DPF3: variants seen among roughly 807,000 people sequenced by gnomAD.
The protein encoded by DPF3 is double PHD fingers 3.
A neutral mutation model predicts 56.8 loss-of-function variants in DPF3; 18 were observed. The observed-to-expected ratio is 0.32, with a 90% confidence interval of 0.22 to 0.47. The LOEUF is 0.47. Ranked by LOEUF, DPF3 falls within the 20% of genes least tolerant of loss-of-function variation. DPF3 has a pLI of 1.00. For synonymous variants in DPF3, 188 were observed against 180.2 expected (o/e 1.04, Z -0.35); for missense variants, 403 against 488.8 (o/e 0.82, Z 1.65).
Position 72,718,365 on chromosome 14 carries a change from T to C in DPF3, c.526-3864A>G, listed in dbSNP as rs1166402178. Among the ~76,000 whole-genome samples the C allele has an allele frequency of 2.0e-5, 3 of 152,304 alleles. No homozygotes were observed. In the East Asian group the frequency reaches 5.8e-4, roughly 29 times the overall value. On this transcript the variant is annotated intron_variant, in intron 5 of 10. Coordinates refer to ENST00000556509, the MANE Select transcript of DPF3 (RefSeq NM_001280542.3). ...CTATACCAGTTGTTCTCAAACAGTG[T>C]GGCCCAGGAATCCTGGGGGATCCCT...
At chr14:72,824,414 T>C (rs1457087362) in intron 1 of DPF3, among the ~76,000 whole-genome samples, 1 of 152,166 alleles carries the variant, frequency 6.6e-6, no homozygotes, top group Admixed American at 6.5e-5. Flanking sequence ...CCCCTTCTCC[T>C]CCCTGTTCAT....
Position 72,637,892 on chromosome 14 carries a change from C to T in DPF3, c.872-8156G>A, listed in dbSNP as rs538678728. 6.0e-4 allele frequency among the ~76,000 whole-genome samples: 66 copies of T among 109,178 alleles called. 4 individuals carry two copies. In the South Asian group the frequency reaches 0.019, roughly 31 times the overall value. 71.6% of individuals were successfully genotyped at this position (109,178 alleles called of 152,430 possible). On this transcript the variant is annotated intron_variant, in intron 8 of 10. Transcript: ENST00000556509. The stretch of plus-strand genomic sequence containing the variant: ...CTTTCCCATATTGACCAGCCCAGTC[C>T]GATCCAATGTCGACACAACAAAAGA...
intron 1 of DPF3, among the ~76,000 whole-genome samples, chr14:72,785,981 G>A (rs1392037946): frequency 3.3e-5 from 5 of 152,224 alleles, no homozygotes; most frequent in African/African-American, 1.2e-4. Context: ...CAATAACCAG[G>A]CCAGGTGCAG....
chr14:72,652,406 G>A (rs993172105), intron 8 of DPF3, among the ~76,000 whole-genome samples: 6 of 152,190 alleles, frequency 3.9e-5, no homozygotes, highest in African/African-American at 1.4e-4. Flanking sequence ...CCCAAATGAG[G>A]CTTGCAGCCA....
At chr14:72,746,784 C>G (rs1890340870) in intron 3 of DPF3, among the ~76,000 whole-genome samples, 5 of 152,250 alleles carry the variant, frequency 3.3e-5, no homozygotes, top group Admixed American at 3.3e-4. Context: ...CTGCCTCATG[C>G]TTGGGCAGAG....
intron 1 of DPF3, among the ~76,000 whole-genome samples, chr14:72,804,665 G>A (rs761201633): frequency 6.6e-6 from 1 of 152,128 alleles, no homozygotes; most frequent in Admixed American, 6.5e-5. Context: ...AGAGGAGGTC[G>A]TGAGCACGAG....
intron 1 of DPF3, among the ~76,000 whole-genome samples, chr14:72,877,815 G>A (rs895451209): frequency 2.6e-5 from 4 of 152,122 alleles, no homozygotes; most frequent in Non-Finnish European, 5.9e-5. Flanking sequence ...TGAATGGTCC[G>A]AACCTGTTTC....
At chr14:72,810,692 C>T (rs1432869227) in intron 1 of DPF3, among the ~76,000 whole-genome samples, 3 of 152,184 alleles carry the variant, frequency 2.0e-5, no homozygotes, top group African/African-American at 7.2e-5. Context: ...CAAGCACCCA[C>T]ATCACGTTTC....
Position 72,612,287 on chromosome 14 carries a change from T to A in DPF3, c.*7010A>T, listed in dbSNP as rs189646392. ...CCCATCTGCTTTCCCAAATGCCATG[T>A]GGACCAGACGCATTGGTGAGCCAGG... is the stretch of plus-strand genomic sequence containing the variant. On this transcript the variant is annotated 3_prime_UTR_variant, in exon 11 of 11. Coordinates refer to ENST00000556509, the MANE Select transcript of DPF3 (RefSeq NM_001280542.3). 1.3e-3 allele frequency among the ~76,000 whole-genome samples: 195 copies of A among 152,288 alleles called. 1 individual carries two copies. Among genetic ancestry groups the A allele is most frequent in the Admixed American group, 3.7e-3 (56 of 15,302 alleles).
At chr14:72,681,639 A>G (rs920620800) in intron 7 of DPF3, among the ~76,000 whole-genome samples, 13 of 152,318 alleles carry the variant, frequency 8.5e-5, no homozygotes, top group Middle Eastern at 3.4e-3. Context: ...TTTAGATACA[A>G]ACCTGGTGAA....
At position 72,609,634 on chromosome 14, in the gene DPF3, G is replaced by A. The variant is rs1393514386; in HGVS notation, c.*9663C>T. On this transcript the variant is annotated 3_prime_UTR_variant, in exon 11 of 11. Coordinates refer to ENST00000556509, the MANE Select transcript of DPF3 (RefSeq NM_001280542.3). ...CACACGTGGGAAGGGCACATCCCCA[G>A]AGGACAGAGGACAAGGGTGGCACAC... Among the ~76,000 whole-genome samples, 1 of 152,202 alleles carries A rather than the reference G, an allele frequency of 6.6e-6. No individual in the cohort carries two copies. Among genetic ancestry groups the A allele is most frequent in the Non-Finnish European group, 1.5e-5 (1 of 68,028 alleles).
At chr14:72,855,566 G>C (rs1409138147) in intron 1 of DPF3, among the ~76,000 whole-genome samples, 1 of 152,178 alleles carries the variant, frequency 6.6e-6, no homozygotes, top group Non-Finnish European at 1.5e-5. Flanking sequence ...CAACCACCTG[G>C]TGGAAGACAT....
intron 1 of DPF3, among the ~76,000 whole-genome samples, chr14:72,861,235 G>A (rs980274456): frequency 5.3e-5 from 8 of 151,972 alleles, no homozygotes; most frequent in Non-Finnish European, 1.0e-4. Flanking sequence ...AATGATTACC[G>A]TTTTTATTGC....
chr14:72,661,376 A>G, intron 8 of DPF3: 4 of 985,408 alleles, frequency 4.1e-6, no homozygotes, highest in Non-Finnish European at 4.8e-6. Context: ...TCTCAGGCTC[A>G]GAACCATTTC....
intron 8 of DPF3, among the ~76,000 whole-genome samples, chr14:72,668,196 T>A (rs1426538561): frequency 2.0e-5 from 3 of 152,112 alleles, no homozygotes; most frequent in Non-Finnish European, 4.4e-5. Context: ...TCCGACACCT[T>A]CTCTCTCGGA....
At position 72,693,179 on chromosome 14, in the gene DPF3, G is replaced by A. The variant is rs1887767269; in HGVS notation, c.639C>T (p.Leu213=). The part of the protein sequence containing the change: ...CGKRYKNRPG[L]SYHYAHTHLA... ...GGTGAGTGTGAGCATAGTGGTAGCT[G>A]AGCCCCGGTCGGTTCTTGTAGCGCT... The change falls in exon 7 of 11, where the codon CTC becomes CTT. Residue 213 remains leucine, a synonymous_variant. Transcript: ENST00000556509. 6.2e-7 allele frequency: 1 copy of A among 1,613,852 alleles called. No individual in the cohort carries two copies. The highest frequency in any genetic ancestry group is 8.5e-7 in the Non-Finnish European group (1 of 1,179,890).
At chr14:72,822,141 G>A (rs1050548344) in intron 1 of DPF3, among the ~76,000 whole-genome samples, 1 of 152,236 alleles carries the variant, frequency 6.6e-6, no homozygotes, top group African/African-American at 2.4e-5. Flanking sequence ...ACTTTGGGAG[G>A]CCAAGGTGGG....
At chr14:72,756,868 GA>G (rs760713366) in intron 2 of DPF3, among the ~76,000 whole-genome samples, 8,084 of 109,118 alleles carry the variant, frequency 0.074, 405 homozygotes, top group Non-Finnish European at 0.079. Flanking sequence ...AAGAAAGAAA[GA>G]AAGGAAGGAA....
intron 1 of DPF3, among the ~76,000 whole-genome samples, chr14:72,777,490 T>C (rs186275774): frequency 3.9e-5 from 6 of 152,272 alleles, no homozygotes; most frequent in Non-Finnish European, 2.9e-5. Flanking sequence ...AAAATCCACA[T>C]GTTGAAGGCC....
Sources: gnomAD v4.1 joint callset for allele counts (sites outside exome capture counted in the v4.1 genomes callset) on GRCh38, gnomAD v4.1.1 for gene constraint, MANE v1.5 for transcripts, NCBI Gene and HGNC (gene_info 2026-07-23, HGNC 2026-07-21) for gene names.